The following JMJD7 variants were observed in gnomAD, a reference collection of about 807,000 sequenced individuals.
The protein encoded by JMJD7 is bifunctional peptidase and (3S)-lysyl hydroxylase JMJD7.
JMJD7 carries 41 observed loss-of-function variants against 41.1 expected under a neutral mutation model. That is an observed-to-expected ratio of 1.00 (90% CI 0.78 to 1.30). JMJD7 has a LOEUF of 1.30. Among genes scored for constraint, JMJD7 ranks in the 50% most tolerant of loss-of-function variants. JMJD7 has a pLI of 0.00. For synonymous variants in JMJD7, 202 were observed against 177.2 expected (o/e 1.14, Z -1.11); for missense variants, 480 against 420.7 (o/e 1.14, Z -1.23).
intron 1 of JMJD7, 127 bp downstream of exon 1, chr15:41,828,315 T>C (rs2065170246): frequency 8.9e-7 from 1 of 1,118,602 alleles, no homozygotes. Flanking sequence ...GTTGCTCTTC[T>C]GTGGCAACCT....
intron 1 of JMJD7, chr15:41,828,390 C>A: frequency 3.6e-6 from 2 of 559,172 alleles, no homozygotes; most frequent in Non-Finnish European, 5.6e-6. Flanking sequence ...ACGTTGTTCC[C>A]AAGGCCCGGT....
Position 41,837,494 on chromosome 15 carries a change from G to A in JMJD7, c.*338G>A, listed in dbSNP as rs55940434. ...AAAGAGATAATAATGGCTGTACCTC[G>A]CGGGGCTGTTGTGGGCTTGGAGATG... On this transcript the variant is annotated 3_prime_UTR_variant, in exon 8 of 8. Transcript: ENST00000397299. The A allele has an allele frequency of 4.8e-3, 1,622 of 336,076 alleles. 10 individuals carry two copies. Among genetic ancestry groups the A allele is most frequent in the Non-Finnish European group, 6.2e-3 (1,133 of 183,110 alleles). 20.8% of individuals were successfully genotyped at this position (336,076 alleles called of 1,614,324 possible).
At chr15:41,835,753 C>CT (rs1228987769) in intron 4 of JMJD7, 109 bp downstream of exon 4, 3 of 1,362,284 alleles carry the variant, frequency 2.2e-6, no homozygotes, top group Non-Finnish European at 3.0e-6. Flanking sequence ...GGGCTGTTCT[C>CT]TAAGATTTCT....
intron 4 of JMJD7, 129 bp from the exon 5 acceptor site, chr15:41,836,019 A>T: frequency 1.0e-6 from 1 of 991,052 alleles, no homozygotes; most frequent in Non-Finnish European, 1.4e-6. Context: ...TCTCCAGCCC[A>T]CTGGCTCTGT....
intron 1 of JMJD7, among the ~76,000 whole-genome samples, chr15:41,833,659 ATCC>A (rs2065267137): frequency 1.3e-5 from 2 of 151,630 alleles, no homozygotes; most frequent in Admixed American, 6.6e-5. Context: ...GGCCTCAGCA[ATCC>A]TCCTGCCTCT....
chr15:41,835,149 C>G lies in JMJD7; in HGVS notation c.398C>G (p.Ser133Cys). The G allele has an allele frequency of 1.9e-6, 3 of 1,607,142 alleles. No homozygotes were observed. Among genetic ancestry groups the G allele is most frequent in the Non-Finnish European group, 2.5e-6 (3 of 1,179,980 alleles). ...PGVLYVQKQC[S>C]NLPSELPQLL... ...GTCCTCTATGTGCAGAAGCAGTGCT[C>G]CAACCTGCCCAGCGAGCTGCCCCAG... The change falls in exon 3 of 8, where the codon TCC becomes TGC. Residue 133 changes from serine (S) to cysteine (C), a missense_variant. Transcript: ENST00000397299.
rs371042555 is a variant in JMJD7, at chr15:41,835,107, G to A, written c.356G>A (p.Arg119Gln). 42 of 1,612,640 alleles carry A rather than the reference G, an allele frequency of 2.6e-5. No individual in the cohort carries two copies. The East Asian group carries it at 6.2e-4, about 24-fold the overall frequency. The part of the protein sequence containing the change: ...LSFVLDVLEG[R>Q]AQHPGVLYVQ... ...TTCGTGCTGGATGTGCTGGAGGGCC[G>A]GGCCCAGCACCCTGGAGTCCTCTAT... is the stretch of plus-strand genomic sequence containing the variant. Residue 119 changes from arginine (R) to glutamine (Q), a missense_variant, in exon 3 of 8, where the codon CGG becomes CAG. Transcript: ENST00000397299.
chr15:41,833,430 T>TTTTTTTTA (rs1555457164), intron 1 of JMJD7, among the ~76,000 whole-genome samples: 8 of 101,832 alleles, frequency 7.9e-5, no homozygotes, highest in African/African-American at 2.4e-4. Context: ...TTTTTTTTTT[T>TTTTTTTTA]TTTTTTTTGA....
chr15:41,835,117 C>T lies in JMJD7; in HGVS notation c.366C>T (p.His122=), dbSNP rs779978452. 3.7e-6 allele frequency: 6 copies of T among 1,611,758 alleles called. No individual in the cohort carries two copies. Among genetic ancestry groups the T allele is most frequent in the Admixed American group, 1.7e-5 (1 of 60,010 alleles). The change falls in exon 3 of 8, where the codon CAC becomes CAT. Residue 122 remains histidine, a synonymous_variant. Coordinates refer to ENST00000397299, the MANE Select transcript of JMJD7 (RefSeq NM_001114632.2). The stretch of plus-strand genomic sequence containing the variant: ...ATGTGCTGGAGGGCCGGGCCCAGCA[C>T]CCTGGAGTCCTCTATGTGCAGAAGC... ...VLDVLEGRAQ[H]PGVLYVQKQC...
intron 1 of JMJD7, chr15:41,829,217 T>C (rs2065190567): frequency 6.6e-6 from 1 of 152,246 alleles, no homozygotes; most frequent in Admixed American, 6.5e-5. Flanking sequence ...GGCAAAGCCC[T>C]CTTTGGGAGT....
At position 41,835,213 on chromosome 15, in the gene JMJD7, C is replaced by G; in HGVS notation, c.462C>G (p.Ser154=). 2 of 1,598,660 alleles carry G rather than the reference C, an allele frequency of 1.3e-6. No homozygotes were observed. The highest frequency in any genetic ancestry group is 1.7e-6 in the Non-Finnish European group (2 of 1,179,530). The part of the protein sequence containing the change: ...PDLESHVPWA[S]EALGKMPDAV... ...TGGAATCCCATGTGCCCTGGGCCTC[C>G]GAAGCCCTGGGTGAGTGGAGGTGGG... is the stretch of plus-strand genomic sequence containing the variant. Residue 154 remains serine (S), a synonymous_variant, in exon 3 of 8, where the codon TCC becomes TCG. Transcript: ENST00000397299.
chr15:41,835,579 G>T lies in JMJD7; in HGVS notation c.473-9G>T, dbSNP rs776893065. ...CTTCCTAACTTGCTCTCTGCCTTCTGCCCTGCAGGAAAGATGCCCGATGCT... is the reference window on the plus strand; with the variant it reads ...CTTCCTAACTTGCTCTCTGCCTTCTTCCCTGCAGGAAAGATGCCCGATGCT... On this transcript the variant is annotated splice_polypyrimidine_tract_variant and intron_variant, in intron 3 of 7. Coordinates refer to ENST00000397299, the MANE Select transcript of JMJD7 (RefSeq NM_001114632.2). 1 of 1,613,058 alleles carries T rather than the reference G, an allele frequency of 6.2e-7. No homozygotes were observed. Among genetic ancestry groups the T allele is most frequent in the Non-Finnish European group, 8.5e-7 (1 of 1,179,558 alleles).
chr15:41,834,044 C>A (rs935586737), intron 1 of JMJD7, among the ~76,000 whole-genome samples: 36 of 152,112 alleles, frequency 2.4e-4, no homozygotes, highest in African/African-American at 8.2e-4. Flanking sequence ...ACTGTAGACC[C>A]CTGCGCAGGC....
chr15:41,828,640 C>G (rs950582643), intron 1 of JMJD7: 1 of 158,266 alleles, frequency 6.3e-6, no homozygotes, highest in African/African-American at 2.4e-5. Flanking sequence ...TCTCTTCCCT[C>G]CTTCCTTCTT....
At chr15:41,836,402 C>G (rs764491576) in intron 5 of JMJD7, 73 bp from the exon 6 acceptor site, 43 of 1,556,378 alleles carry the variant, frequency 2.8e-5, no homozygotes, top group Non-Finnish European at 3.6e-5. Flanking sequence ...CCAGGGCTGG[C>G]TGGGGTGGAG....
rs753794374 is a variant in JMJD7, at chr15:41,831,693, G to A, written c.65-3047G>A. On this transcript the variant is annotated intron_variant, in intron 1 of 7. Coordinates refer to ENST00000397299, the MANE Select transcript of JMJD7 (RefSeq NM_001114632.2). ...CCTCTTTGCTGAGAGCTGAACACTCGTTGGGACACCCTGGCTGCGGAGAGG... is the reference window on the plus strand; with the variant it reads ...CCTCTTTGCTGAGAGCTGAACACTCATTGGGACACCCTGGCTGCGGAGAGG... Among the ~76,000 whole-genome samples the A allele has an allele frequency of 5.9e-5, 9 of 152,244 alleles. No individual in the cohort carries two copies. The East Asian group carries it at 9.7e-4, about 16-fold the overall frequency.
chr15:41,834,872 A>C lies in JMJD7; in HGVS notation c.197A>C (p.Lys66Thr). 6.2e-7 allele frequency: 1 copy of C among 1,614,114 alleles called. No individual in the cohort carries two copies. The highest frequency in any genetic ancestry group is 1.3e-5 in the African/African-American group (1 of 75,048). ...CTGCAGCACTGGCCGGCCCTCCAGA[A>C]GTGGTCCCTCCCCTATTTCAGGTGG... ...NALQHWPALQ[K>T]WSLPYFRATV... The change falls in exon 2 of 8, where the codon AAG (lysine) becomes ACG (threonine). Residue 66 changes from lysine (K) to threonine (T), a missense_variant. Transcript: ENST00000397299.
intron 1 of JMJD7, among the ~76,000 whole-genome samples, chr15:41,834,234 C>T (rs1204163667): frequency 6.6e-5 from 10 of 152,220 alleles, no homozygotes; most frequent in Non-Finnish European, 2.9e-5. Flanking sequence ...ATTGTGTCAT[C>T]CCTGATAGCC....
At chr15:41,830,130 C>A (rs2065207995) in intron 1 of JMJD7, among the ~76,000 whole-genome samples, 2 of 152,160 alleles carry the variant, frequency 1.3e-5, no homozygotes, top group African/African-American at 4.8e-5. Context: ...CCCACCCTCA[C>A]ATGGCTGGGC....
Sources: allele counts gnomAD v4.1 joint callset (sites outside exome capture counted in the v4.1 genomes callset), GRCh38; gene constraint gnomAD v4.1.1; transcripts MANE v1.5; gene names NCBI Gene and HGNC (gene_info 2026-07-23, HGNC 2026-07-21).